Variants in FAR2 observed in about 807,000 individuals in gnomAD.
The protein encoded by FAR2 is epididymis secretory protein Li 81.
Under a neutral mutation model 56.0 loss-of-function variants are expected in FAR2, and 19 were observed. That is an observed-to-expected ratio of 0.34 (90% CI 0.24 to 0.50). The LOEUF is 0.50. Among genes scored for constraint, FAR2 ranks in the 20% least tolerant of loss-of-function variants. FAR2 has a pLI of 0.98. For synonymous variants in FAR2, 219 were observed against 218.8 expected (o/e 1.00, Z -0.01); for missense variants, 508 against 642.2 (o/e 0.79, Z 2.26).
At chr12:29,192,051 A>G (rs1950107070) in intron 1 of FAR2, among the ~76,000 whole-genome samples, 1 of 152,222 alleles carries the variant, frequency 6.6e-6, no homozygotes, top group African/African-American at 2.4e-5. Flanking sequence ...TAGGGCCTCT[A>G]AACAGTTAGC....
chr12:29,250,117 C>G (rs1167110578), intron 1 of FAR2, among the ~76,000 whole-genome samples: 1 of 151,810 alleles, frequency 6.6e-6, no homozygotes, highest in Non-Finnish European at 1.5e-5. Context: ...TTGCATTGTT[C>G]TGTGCTGGTT....
chr12:29,257,025 C>T (rs975542910), intron 1 of FAR2, among the ~76,000 whole-genome samples: 11 of 152,118 alleles, frequency 7.2e-5, no homozygotes, highest in Admixed American at 5.2e-4. Context: ...CTGAGGAGTG[C>T]GGGTGCACGG....
chr12:29,270,672 A>G, intron 2 of FAR2, 34 bp downstream of exon 2: 1 of 1,555,358 alleles, frequency 6.4e-7, no homozygotes, highest in Non-Finnish European at 8.8e-7. Context: ...GTGATGGGCA[A>G]TGCCTTAGGG....
intron 1 of FAR2, among the ~76,000 whole-genome samples, chr12:29,154,943 CT>C (rs1267855391): frequency 3.9e-5 from 6 of 152,154 alleles, no homozygotes; most frequent in Non-Finnish European, 8.8e-5. Flanking sequence ...CTACAGTTCT[CT>C]ATTAACCATA....
chr12:29,208,281 C>T (rs1166213779), intron 1 of FAR2, among the ~76,000 whole-genome samples: 4 of 152,170 alleles, frequency 2.6e-5, no homozygotes, highest in African/African-American at 9.7e-5. Context: ...TGGTGACCTC[C>T]ACAGAGTGTT....
intron 1 of FAR2, among the ~76,000 whole-genome samples, chr12:29,206,703 G>A (rs548883619): frequency 4.6e-4 from 70 of 152,296 alleles, no homozygotes; most frequent in African/African-American, 1.7e-3. Flanking sequence ...AGGAATAAAA[G>A]AAGATGATAA....
chr12:29,256,080 C>G (rs1279887895), intron 1 of FAR2, among the ~76,000 whole-genome samples: 3 of 152,094 alleles, frequency 2.0e-5, no homozygotes, highest in African/African-American at 7.2e-5. Flanking sequence ...TCATGTTAGC[C>G]AGGCTAGTCA....
At chr12:29,165,352 T>G (rs1949815956) in intron 1 of FAR2, among the ~76,000 whole-genome samples, 1 of 152,208 alleles carries the variant, frequency 6.6e-6, no homozygotes, top group South Asian at 2.1e-4. Flanking sequence ...TACTAATTAC[T>G]GAATGTTTCA....
intron 2 of FAR2, among the ~76,000 whole-genome samples, chr12:29,275,802 T>C (rs916846253): frequency 1.3e-4 from 20 of 152,202 alleles, no homozygotes; most frequent in Admixed American, 1.2e-3. Context: ...CAATGCAGTG[T>C]TTTTTATAAC....
intron 2 of FAR2, among the ~76,000 whole-genome samples, chr12:29,287,509 C>T (rs536601546): frequency 1.3e-5 from 2 of 152,184 alleles, no homozygotes; most frequent in African/African-American, 4.8e-5. Flanking sequence ...TGTTTTTACT[C>T]AGCACTCTAA....
At chr12:29,303,081 A>G (rs1949203161) in intron 4 of FAR2, among the ~76,000 whole-genome samples, 1 of 152,218 alleles carries the variant, frequency 6.6e-6, no homozygotes, top group South Asian at 2.1e-4. Context: ...TAATCCTGAT[A>G]TATTCAAATC....
chr12:29,306,852 C>T (rs1461411567), intron 4 of FAR2, among the ~76,000 whole-genome samples: 1 of 152,138 alleles, frequency 6.6e-6, no homozygotes, highest in Non-Finnish European at 1.5e-5. Flanking sequence ...ACTATAATCA[C>T]CCCACTTGAC....
At chr12:29,331,144 T>G (rs1949725091) in intron 10 of FAR2, among the ~76,000 whole-genome samples, 1 of 151,910 alleles carries the variant, frequency 6.6e-6, no homozygotes, top group Non-Finnish European at 1.5e-5. Flanking sequence ...TCACCAGAAG[T>G]TAAGTAAGTT....
intron 4 of FAR2, among the ~76,000 whole-genome samples, chr12:29,302,869 A>C (rs1949199591): frequency 6.6e-6 from 1 of 152,154 alleles, no homozygotes; most frequent in Admixed American, 6.5e-5. Context: ...AACAGGTATA[A>C]AAAACATCTC....
intron 1 of FAR2, among the ~76,000 whole-genome samples, chr12:29,217,973 G>C (rs1043137242): frequency 4.0e-5 from 6 of 151,652 alleles, no homozygotes; most frequent in African/African-American, 1.4e-4. Context: ...GAATTCTGAA[G>C]AAGAAGACAA....
At chr12:29,277,513 A>G (rs779231857) in intron 2 of FAR2, 3 of 152,238 alleles carry the variant, frequency 2.0e-5, no homozygotes, top group Non-Finnish European at 4.4e-5. Flanking sequence ...GGCCTCACAG[A>G]TCTTAAAGTC....
intron 10 of FAR2, among the ~76,000 whole-genome samples, chr12:29,328,062 AAAAC>A (rs1321589301): frequency 6.6e-5 from 10 of 152,186 alleles, no homozygotes; most frequent in Non-Finnish European, 1.2e-4. Context: ...TTACAAGAAA[AAAAC>A]AAACAACCCC....
Position 29,166,819 on chromosome 12 carries a change from A to T in FAR2, c.-39+17412A>T, listed in dbSNP as rs182311571. Among the ~76,000 whole-genome samples, 3 of 152,230 alleles carry T rather than the reference A, an allele frequency of 2.0e-5. No individual in the cohort carries two copies. In the East Asian group the frequency reaches 5.8e-4, roughly 29 times the overall value. On this transcript the variant is annotated intron_variant, in intron 1 of 11. Transcript: ENST00000536681. Reference sequence around the variant, plus strand: ...GACCTTCTTTACTTCCAGCTCTCTTAGTTTCTTTCTCCCCCTATAGCTATG... The same window carrying T: ...GACCTTCTTTACTTCCAGCTCTCTTTGTTTCTTTCTCCCCCTATAGCTATG...
intron 1 of FAR2, among the ~76,000 whole-genome samples, chr12:29,218,458 A>C (rs1424255896): frequency 6.6e-6 from 1 of 152,192 alleles, no homozygotes; most frequent in Non-Finnish European, 1.5e-5. Context: ...CAACTGAAGC[A>C]AGGAGAAAAG....
Sources: gnomAD v4.1 joint callset for allele counts (sites outside exome capture counted in the v4.1 genomes callset) on GRCh38, gnomAD v4.1.1 for gene constraint, MANE v1.5 for transcripts, NCBI Gene and HGNC (gene_info 2026-07-23, HGNC 2026-07-21) for gene names.